ZNF503: variants seen among roughly 807,000 people sequenced by gnomAD.
ZNF503 encodes the protein NocA-like zinc finger 2.
Under a neutral mutation model 34.4 loss-of-function variants are expected in ZNF503, and 15 were observed. The observed-to-expected ratio is 0.44, with a 90% CI of 0.29 to 0.67. ZNF503 has a LOEUF of 0.67. Ranked by LOEUF, ZNF503 falls within the 30% of genes least tolerant of loss-of-function variation. The pLI, the probability that ZNF503 is intolerant of heterozygous loss-of-function variation, is 0.13. For missense variants in ZNF503, 1,007 were observed against 926.8 expected, an observed-to-expected ratio of 1.09 and a Z score of -1.12; for synonymous variants, 580 against 456.8, an observed-to-expected ratio of 1.27 and a Z score of -3.44.
chr10:75,283,901 G>C, the ZNF503 span: 1 of 152,138 alleles, frequency 6.6e-6, no homozygotes, highest in African/African-American at 2.4e-5. Flanking sequence ...CAGCAATAGG[G>C]CTCTTTTTTG....
chr10:75,393,709 T>A (rs115634215), downstream of ZNF503, among the ~76,000 whole-genome samples: 5,976 of 151,854 alleles, frequency 0.039, 371 homozygotes, highest in African/African-American at 0.14. Flanking sequence ...CTACAAAAAA[T>A]TTAGCTGGGC....
intron 1 of ZNF503, 76 bp downstream of exon 1, chr10:75,401,029 G>A (rs919803787): frequency 2.5e-6 from 4 of 1,594,162 alleles, no homozygotes; most frequent in East Asian, 2.3e-5. Flanking sequence ...CCTCCGCCCA[G>A]ATCCCGAGAA....
chr10:75,293,788 A>T, the ZNF503 span, among the ~76,000 whole-genome samples: 1 of 152,280 alleles, frequency 6.6e-6, no homozygotes. Flanking sequence ...AAGGAGGGAA[A>T]AATAACCCTT....
chr10:75,302,596 T>C, the ZNF503 span, among the ~76,000 whole-genome samples: 5 of 152,228 alleles, frequency 3.3e-5, no homozygotes, highest in Admixed American at 6.5e-5. Flanking sequence ...CTAGTATACA[T>C]ACACACAGCC....
chr10:75,376,849 C>G, the ZNF503 span, among the ~76,000 whole-genome samples: 2 of 152,136 alleles, frequency 1.3e-5, no homozygotes, highest in Non-Finnish European at 2.9e-5. Context: ...ATCAGATCTT[C>G]AGTGAGAACT....
the ZNF503 span, among the ~76,000 whole-genome samples, chr10:75,382,223 T>C: frequency 6.6e-6 from 1 of 152,128 alleles, no homozygotes; most frequent in African/African-American, 2.4e-5. Flanking sequence ...TTTTCATGTT[T>C]CAGTGGTATG....
At chr10:75,371,671 CA>C in the ZNF503 span, among the ~76,000 whole-genome samples, 1 of 152,226 alleles carries the variant, frequency 6.6e-6, no homozygotes, top group Non-Finnish European at 1.5e-5. Flanking sequence ...ATCCCTGGAC[CA>C]ATCTGCTGCA....
chr10:75,294,854 C>A, the ZNF503 span, among the ~76,000 whole-genome samples: 1 of 151,938 alleles, frequency 6.6e-6, no homozygotes, highest in Non-Finnish European at 1.5e-5. Context: ...GTTCTATCTG[C>A]GCGATGATTG....
At chr10:75,326,784 C>T in the ZNF503 span, among the ~76,000 whole-genome samples, 7 of 151,986 alleles carry the variant, frequency 4.6e-5, no homozygotes, top group African/African-American at 7.2e-5. Flanking sequence ...GATTCTTGTG[C>T]CTCAGCCTCC....
At chr10:75,309,554 T>C in the ZNF503 span, among the ~76,000 whole-genome samples, 37 of 152,314 alleles carry the variant, frequency 2.4e-4, no homozygotes, top group African/African-American at 7.9e-4. Flanking sequence ...ATCATTAACA[T>C]TTTTTAGCAA....
At position 75,400,856 on chromosome 10, in the gene ZNF503, G is replaced by A. The variant is rs928648160; in HGVS notation, c.315+249C>T. ...GGTGCCGAGTGAAGGGGCCTGGGTC[G>A]GGGTAGGGGCTTTCATATCGAAAGG... On this transcript the variant is annotated intron_variant, in intron 1 of 1. Coordinates refer to ENST00000372524, the MANE Select transcript of ZNF503 (RefSeq NM_032772.6). 1.8e-5 allele frequency: 11 copies of A among 623,618 alleles called. No homozygotes were observed. In the African/African-American group the frequency reaches 2.0e-4, roughly 12 times the overall value. The allele number at this position is 623,618 out of a possible 1,614,324, so 38.6% of individuals were successfully genotyped here.
chr10:75,345,979 G>A, the ZNF503 span, among the ~76,000 whole-genome samples: 3 of 152,198 alleles, frequency 2.0e-5, no homozygotes, highest in East Asian at 1.9e-4. Flanking sequence ...CAAACTGTGC[G>A]GAATCAGTGT....
chr10:75,392,438 G>A, the ZNF503 span, among the ~76,000 whole-genome samples: 24 of 152,292 alleles, frequency 1.6e-4, no homozygotes, highest in Admixed American at 9.8e-4. Context: ...GGGAAAGATC[G>A]GTGTGTGGTG....
the ZNF503 span, among the ~76,000 whole-genome samples, chr10:75,381,805 CTTTTTTTTTTTTTTTT>C: frequency 1.8e-4 from 7 of 38,654 alleles, no homozygotes; most frequent in South Asian, 3.6e-3. Context: ...GAACCTAATT[CTTTTTTTTTTTTTTTT>C]TTTTTTTTTT....
the ZNF503 span, among the ~76,000 whole-genome samples, chr10:75,388,120 C>T: frequency 3.0e-4 from 46 of 152,182 alleles, no homozygotes; most frequent in Non-Finnish European, 5.3e-4. Flanking sequence ...ATCCTGGGGA[C>T]AGCAGACCAT....
the ZNF503 span, among the ~76,000 whole-genome samples, chr10:75,375,813 G>T: frequency 6.6e-6 from 1 of 152,024 alleles, no homozygotes; most frequent in Non-Finnish European, 1.5e-5. Context: ...CACTGAGCCC[G>T]CGGAACCCAT....
chr10:75,300,422 T>C, the ZNF503 span, among the ~76,000 whole-genome samples: 8 of 152,220 alleles, frequency 5.3e-5, no homozygotes, highest in East Asian at 9.7e-4. Flanking sequence ...TCCTCCTCAG[T>C]TTACGAAAAT....
In ZNF503 at chr10:75,399,950, C is replaced by T; in HGVS notation, c.740G>A (p.Gly247Asp). ...SPGGMLSSAG[G>D]APEGKDDKKD... Reference sequence around the variant, plus strand: ...CTTGTCGTCCTTGCCCTCCGGGGCACCCCCGGCCGAGGACAGCATACCTCC... The same window carrying T: ...CTTGTCGTCCTTGCCCTCCGGGGCATCCCCGGCCGAGGACAGCATACCTCC... The change falls in exon 2 of 2, where the codon GGT becomes GAT. Residue 247 changes from glycine to aspartate, a missense_variant. Physicochemically the swap from Gly to Asp is moderately conservative, Grantham distance 94. Coordinates refer to ENST00000372524, the MANE Select transcript of ZNF503 (RefSeq NM_032772.6). The T allele has an allele frequency of 1.2e-6, 2 of 1,605,958 alleles. No homozygotes were observed. Among genetic ancestry groups the T allele is most frequent in the Non-Finnish European group, 1.7e-6 (2 of 1,179,374 alleles).
chr10:75,400,523 T>G, intron 1 of ZNF503, 149 bp from the exon 2 acceptor site: 2 of 1,404,214 alleles, frequency 1.4e-6, no homozygotes, highest in South Asian at 1.5e-5. Flanking sequence ...CGGCACCCCC[T>G]CTTCAACACC....
Sources: gnomAD v4.1 joint callset for allele counts (sites outside exome capture counted in the v4.1 genomes callset) on GRCh38, gnomAD v4.1.1 for gene constraint, MANE v1.5 for transcripts, NCBI Gene and HGNC (gene_info 2026-07-23, HGNC 2026-07-21) for gene names.